The following GAD1 variants were observed in gnomAD, a reference collection of about 807,000 sequenced individuals.
GAD1 encodes glutamate decarboxylase 1, also known as 67 kDa glutamic acid decarboxylase.
A neutral mutation model predicts 75.2 loss-of-function variants in GAD1; 35 were observed. That is an observed-to-expected ratio of 0.47 (90% CI 0.36 to 0.62). The LOEUF is 0.62. Ranked by LOEUF, GAD1 falls within the 20% of genes least tolerant of loss-of-function variation. The pLI is 0.00. For missense variants in GAD1, 490 were observed against 758.5 expected, an observed-to-expected ratio of 0.65 and a Z score of 4.16; for synonymous variants, 257 against 271.9, an observed-to-expected ratio of 0.95 and a Z score of 0.54.
Position 170,860,018 on chromosome 2 carries a change from C to T in GAD1, c.*136C>T. ...AATATCTTGAAGAATATTGTTAAAACCTTACTTAAAGCTTGTTTGTTCTAG... is the reference window on the plus strand; with the variant it reads ...AATATCTTGAAGAATATTGTTAAAATCTTACTTAAAGCTTGTTTGTTCTAG... On this transcript the variant is annotated 3_prime_UTR_variant, in exon 17 of 17. Coordinates refer to ENST00000358196, the MANE Select transcript of GAD1 (RefSeq NM_000817.3). 2.3e-6 allele frequency: 2 copies of T among 876,570 alleles called. No homozygotes were observed. The highest frequency in any genetic ancestry group is 2.7e-5 in the East Asian group (1 of 37,692). The allele number at this position is 876,570 out of a possible 1,614,324, so 54.3% of individuals were successfully genotyped here.
At chr2:170,822,285 G>C (rs892028293) in intron 3 of GAD1, 136 bp downstream of exon 3, 31 of 781,020 alleles carry the variant, frequency 4.0e-5, no homozygotes, top group Admixed American at 4.1e-5. Flanking sequence ...AGCCAGGACA[G>C]CCAGCGACCA....
At chr2:170,836,647 C>T (rs1702383746) in intron 5 of GAD1, 146 bp from the exon 6 acceptor site, 1 of 700,088 alleles carries the variant, frequency 1.4e-6, no homozygotes, top group Non-Finnish European at 2.6e-6. Flanking sequence ...ACCTGCCCTT[C>T]CTTTTTCAAT....
intron 11 of GAD1, among the ~76,000 whole-genome samples, chr2:170,848,508 A>G (rs1405310473): frequency 6.6e-6 from 1 of 151,884 alleles, no homozygotes; most frequent in East Asian, 1.9e-4. Context: ...AAAAAAAAAA[A>G]AAAAGAAAAA....
chr2:170,830,079 C>G (rs1702182251), intron 4 of GAD1, among the ~76,000 whole-genome samples: 1 of 152,154 alleles, frequency 6.6e-6, no homozygotes, highest in African/African-American at 2.4e-5. Context: ...GTTTTACTAA[C>G]CCCTGCTGCC....
intron 5 of GAD1, among the ~76,000 whole-genome samples, chr2:170,831,400 C>A (rs1212314157): frequency 6.6e-6 from 1 of 152,010 alleles, no homozygotes; most frequent in African/African-American, 2.4e-5. Context: ...CAGCATATAT[C>A]ATGGTAAAAG....
At chr2:170,836,957 A>C (rs769394) in intron 6 of GAD1, 74 bp downstream of exon 6, 1 of 1,020,338 alleles carries the variant, frequency 9.8e-7, no homozygotes. Context: ...GTTCAGTCCC[A>C]GTGGTTCTAT....
At chr2:170,816,082 C>G (rs558279882), upstream of GAD1, 4 of 152,324 alleles carry the variant, frequency 2.6e-5, no homozygotes, top group East Asian at 7.7e-4. Flanking sequence ...CACCTCTGTG[C>G]TCGGGTGCCC....
intron 12 of GAD1, chr2:170,852,441 A>G: frequency 2.1e-6 from 1 of 473,200 alleles, no homozygotes. Flanking sequence ...CCATATTGAT[A>G]TAATACCTGA....
intron 6 of GAD1, among the ~76,000 whole-genome samples, chr2:170,840,852 T>C (rs565573395): frequency 6.6e-6 from 1 of 151,994 alleles, no homozygotes; most frequent in Admixed American, 6.6e-5. Context: ...CAACCCTAAA[T>C]AAAATTTAAC....
At chr2:170,843,010 C>G (rs1702551016) in intron 6 of GAD1, among the ~76,000 whole-genome samples, 1 of 152,210 alleles carries the variant, frequency 6.6e-6, no homozygotes, top group Admixed American at 6.5e-5. Context: ...CTGAGTCAGT[C>G]TAGGCATCTC....
chr2:170,828,603 T>C (rs1231315193), intron 3 of GAD1, among the ~76,000 whole-genome samples: 1 of 124,846 alleles, frequency 8.0e-6, no homozygotes, highest in Non-Finnish European at 1.7e-5. Context: ...CCCCTCCTCT[T>C]CCCTCTGTTG....
chr2:170,837,393 ATG>A (rs1013326400), intron 6 of GAD1, among the ~76,000 whole-genome samples: 6 of 152,222 alleles, frequency 3.9e-5, no homozygotes, highest in Admixed American at 1.3e-4. Context: ...GTTTTTCTAA[ATG>A]TGACATTTTT....
Position 170,860,109 on chromosome 2 carries a change from T to C in GAD1, c.*227T>C, listed in dbSNP as rs1231047192. 3 of 537,396 alleles carry C rather than the reference T, an allele frequency of 5.6e-6. No homozygotes were observed. The highest frequency in any genetic ancestry group is 1.0e-5 in the Non-Finnish European group (3 of 297,836). 33.3% of individuals were successfully genotyped at this position (537,396 alleles called of 1,614,324 possible). ...GGAACAGAGTATATATGTACAGTTA[T>C]ACATACCTCTCTCTATATATACATG... On this transcript the variant is annotated 3_prime_UTR_variant, in exon 17 of 17. Transcript: ENST00000358196.
At chr2:170,839,480 G>A (rs1343233991) in intron 6 of GAD1, among the ~76,000 whole-genome samples, 1 of 152,086 alleles carries the variant, frequency 6.6e-6, no homozygotes, top group Non-Finnish European at 1.5e-5. Context: ...CGGGTGTGGT[G>A]GCGGGTGCCT....
At chr2:170,823,653 C>T (rs1701951530) in intron 3 of GAD1, among the ~76,000 whole-genome samples, 1 of 151,896 alleles carries the variant, frequency 6.6e-6, no homozygotes, top group South Asian at 2.1e-4. Flanking sequence ...ACTCCCACCC[C>T]CACCTCCACC....
At chr2:170,825,587 A>G (rs1339450630) in intron 3 of GAD1, among the ~76,000 whole-genome samples, 1 of 152,226 alleles carries the variant, frequency 6.6e-6, no homozygotes, top group Non-Finnish European at 1.5e-5. Flanking sequence ...CTAGCTACAC[A>G]TACCTGTGCG....
intron 12 of GAD1, among the ~76,000 whole-genome samples, chr2:170,850,812 G>A (rs966679970): frequency 1.3e-5 from 2 of 152,070 alleles, no homozygotes; most frequent in East Asian, 1.9e-4. Flanking sequence ...TCAGGAGTTC[G>A]GGACCAGCCT....
At chr2:170,829,181 C>T in intron 3 of GAD1, 1 of 447,648 alleles carries the variant, frequency 2.2e-6, no homozygotes, top group South Asian at 2.1e-5. Context: ...GGAGTGGAAG[C>T]TGTCCAACTT....
intron 3 of GAD1, among the ~76,000 whole-genome samples, chr2:170,823,197 C>G (rs1701936515): frequency 6.6e-6 from 1 of 152,298 alleles, no homozygotes; most frequent in Admixed American, 6.5e-5. Context: ...TCAGCTCCTG[C>G]GCGCGGGAGA....
Sources: allele counts gnomAD v4.1 joint callset (sites outside exome capture counted in the v4.1 genomes callset), GRCh38; gene constraint gnomAD v4.1.1; transcripts MANE v1.5; gene names NCBI Gene and HGNC (gene_info 2026-07-23, HGNC 2026-07-21).